Variants in IQCM observed in about 807,000 individuals in gnomAD.
IQCM encodes the protein IQ motif containing M.
A neutral mutation model predicts 57.6 loss-of-function variants in IQCM; 45 were observed. That is an observed-to-expected ratio of 0.78 (90% CI 0.62 to 1.00). IQCM has a LOEUF of 1.00. Among genes scored for constraint, IQCM ranks in the 50% least tolerant of loss-of-function variants. The probability of loss-of-function intolerance (pLI) is 0.00; values close to 1 mark genes in which losing one functional copy is unlikely to be tolerated. For missense variants in IQCM, 468 were observed against 511.6 expected (o/e 0.91, Z 0.82); for synonymous variants, 148 against 158.9 (o/e 0.93, Z 0.51).
chr4:149,739,467 A>T (rs113317843), intron 3 of IQCM, among the ~76,000 whole-genome samples: 4 of 125,022 alleles, frequency 3.2e-5, no homozygotes, highest in Non-Finnish European at 4.7e-5. Flanking sequence ...TGTTTATATA[A>T]TTTTTTTTTT....
chr4:149,642,060 G>A (rs1758243215), intron 7 of IQCM, among the ~76,000 whole-genome samples: 1 of 152,074 alleles, frequency 6.6e-6, no homozygotes, highest in South Asian at 2.1e-4. Context: ...CAGTGAACGA[G>A]GGGGAAAAGA....
chr4:149,451,023 C>G (rs1357977307), intron 12 of IQCM, among the ~76,000 whole-genome samples: 1 of 151,734 alleles, frequency 6.6e-6, no homozygotes, highest in East Asian at 1.9e-4. Context: ...GAATGAGATC[C>G]TGTCATTTGC....
chr4:149,439,780 G>A (rs1304938089), intron 12 of IQCM, among the ~76,000 whole-genome samples: 2 of 152,016 alleles, frequency 1.3e-5, no homozygotes, highest in Non-Finnish European at 2.9e-5. Context: ...AGTTACATTT[G>A]TGAGAGTAAT....
chr4:149,377,444 C>T (rs139522759), intron 13 of IQCM, among the ~76,000 whole-genome samples: 87 of 152,214 alleles, frequency 5.7e-4, no homozygotes, highest in African/African-American at 1.8e-3. Flanking sequence ...TTCCTCCTAC[C>T]TTATTGAGCT....
At chr4:149,534,891 G>A (rs555956238) in intron 12 of IQCM, among the ~76,000 whole-genome samples, 52 of 152,188 alleles carry the variant, frequency 3.4e-4, no homozygotes, top group Non-Finnish European at 6.2e-4. Context: ...ATTGGCTTAC[G>A]TTCTGCCAAA....
At chr4:149,799,036 TTA>T (rs1339745357) in intron 2 of IQCM, among the ~76,000 whole-genome samples, 2 of 141,368 alleles carry the variant, frequency 1.4e-5, no homozygotes, top group African/African-American at 6.0e-5. Flanking sequence ...TATGCATCCT[TTA>T]TTTTTTTTTT....
chr4:149,398,885 G>A (rs72724071), intron 13 of IQCM, among the ~76,000 whole-genome samples: 373 of 151,586 alleles, frequency 2.5e-3, no homozygotes, highest in Non-Finnish European at 4.2e-3. Context: ...TTTTGTTGTT[G>A]TTGTTTTCTT....
chr4:149,642,971 A>C (rs939069524), intron 7 of IQCM, among the ~76,000 whole-genome samples: 2 of 152,154 alleles, frequency 1.3e-5, no homozygotes, highest in Admixed American at 1.3e-4. Context: ...ATTTATATTC[A>C]ATAAGAATCA....
intron 7 of IQCM, among the ~76,000 whole-genome samples, chr4:149,671,061 C>G (rs946530516): frequency 6.6e-6 from 1 of 151,758 alleles, no homozygotes; most frequent in African/African-American, 2.4e-5. Context: ...AGAAGGAATG[C>G]TACCAGCTCC....
chr4:149,426,294 T>C (rs1379104514), intron 13 of IQCM, among the ~76,000 whole-genome samples: 1 of 151,978 alleles, frequency 6.6e-6, no homozygotes, highest in Non-Finnish European at 1.5e-5. Flanking sequence ...AAAAGTCTTA[T>C]TCTAGTAACA....
chr4:149,487,987 G>C (rs1741701349), intron 12 of IQCM, among the ~76,000 whole-genome samples: 1 of 152,036 alleles, frequency 6.6e-6, no homozygotes, highest in East Asian at 1.9e-4. Flanking sequence ...TCCAGCAGGG[G>C]GTTAGGGGGA....
intron 12 of IQCM, among the ~76,000 whole-genome samples, chr4:149,506,538 G>A (rs1382683773): frequency 1.3e-5 from 2 of 152,088 alleles, no homozygotes; most frequent in Non-Finnish European, 2.9e-5. Context: ...AGGGTGCTTG[G>A]CAGAAGGAGA....
intron 10 of IQCM, among the ~76,000 whole-genome samples, chr4:149,559,536 A>T (rs1056432192): frequency 1.3e-5 from 2 of 152,146 alleles, no homozygotes; most frequent in Non-Finnish European, 2.9e-5. Context: ...CAATTGCCAC[A>T]TCAAACACAC....
intron 12 of IQCM, among the ~76,000 whole-genome samples, chr4:149,526,636 A>G (rs1746191179): frequency 6.6e-6 from 1 of 152,046 alleles, no homozygotes; most frequent in African/African-American, 2.4e-5. Context: ...TGTTTAATGT[A>G]TAAATATACT....
intron 13 of IQCM, among the ~76,000 whole-genome samples, chr4:149,423,968 A>T (rs1166572331): frequency 1.3e-5 from 2 of 151,940 alleles, no homozygotes; most frequent in Non-Finnish European, 2.9e-5. Flanking sequence ...GAGACAGCAA[A>T]TAATTTCAAT....
chr4:149,773,073 C>A (rs1386887298), intron 2 of IQCM, among the ~76,000 whole-genome samples: 1 of 152,134 alleles, frequency 6.6e-6, no homozygotes, highest in East Asian at 1.9e-4. Context: ...TACTATCGGC[C>A]GGGCGTGGTG....
intron 12 of IQCM, among the ~76,000 whole-genome samples, chr4:149,502,665 C>A (rs767984097): frequency 6.6e-6 from 1 of 151,962 alleles, no homozygotes; most frequent in Non-Finnish European, 1.5e-5. Context: ...GAGAATGAGA[C>A]CCTCTCTCAA....
intron 7 of IQCM, among the ~76,000 whole-genome samples, chr4:149,675,434 G>C (rs573481398): frequency 1.3e-5 from 2 of 151,960 alleles, no homozygotes; most frequent in African/African-American, 4.8e-5. Context: ...CTGAAAGGGT[G>C]GCAGGGGAAG....
intron 12 of IQCM, among the ~76,000 whole-genome samples, chr4:149,505,483 ATT>A (rs1322469572): frequency 6.6e-6 from 1 of 152,186 alleles, no homozygotes; most frequent in Non-Finnish European, 1.5e-5. Flanking sequence ...CAAAACTTGT[ATT>A]TTTTAAAATG....
Sources: gnomAD v4.1 joint callset for allele counts (sites outside exome capture counted in the v4.1 genomes callset) on GRCh38, gnomAD v4.1.1 for gene constraint, MANE v1.5 for transcripts, NCBI Gene and HGNC (gene_info 2026-07-23, HGNC 2026-07-21) for gene names.